The following SGSM2 variants were observed in gnomAD, a reference collection of about 807,000 sequenced individuals.
The protein encoded by SGSM2 is RUN and TBC1 domain containing 1.
SGSM2 carries 89 observed loss-of-function variants against 126.6 expected under a neutral mutation model. That is an observed-to-expected ratio of 0.70 (90% confidence interval 0.59 to 0.84). The LOEUF (loss-of-function observed/expected upper bound fraction) is 0.84. Among genes scored for constraint, SGSM2 ranks in the 40% least tolerant of loss-of-function variants. SGSM2 has a pLI of 0.00. For synonymous variants in SGSM2, 614 were observed against 574.3 expected (o/e 1.07, Z -0.99); for missense variants, 1,404 against 1,416.6 (o/e 0.99, Z 0.14).
chr17:2,380,203 G>A lies in SGSM2; in HGVS notation c.*683G>A. On this transcript the variant is annotated 3_prime_UTR_variant, in exon 24 of 24. Coordinates refer to ENST00000268989, the MANE Select transcript of SGSM2 (RefSeq NM_014853.3). ...CCCCAGGCCTCCCCGGCCTTGTACA[G>A]TGTACCTCTGTGTATCTGTACAGCC... The A allele has an allele frequency of 1.3e-6, 2 of 1,534,002 alleles. No homozygotes were observed. The highest frequency in any genetic ancestry group is 1.7e-4 in the Middle Eastern group (1 of 5,972).
At position 2,375,746 on chromosome 17, in the gene SGSM2, A is replaced by G; in HGVS notation, c.2355A>G (p.Glu785=). 1 of 1,606,778 alleles carries G rather than the reference A, an allele frequency of 6.2e-7. No individual in the cohort carries two copies. The highest frequency in any genetic ancestry group is 8.5e-7 in the Non-Finnish European group (1 of 1,175,286). ...GFEEEDGGGE[E]GSSGPGPAAH... ...AAGAGGAGGACGGCGGTGGGGAGGA[A>G]GGCTCCAGTGGGCCCGGCCCTGCAG... Residue 785 remains glutamate, a synonymous_variant, in exon 18 of 24, where the codon GAA becomes GAG. Transcript: ENST00000268989.
Position 2,348,198 on chromosome 17 carries a change from C to T in SGSM2, c.133+4578C>T, listed in dbSNP as rs574571599. Among the ~76,000 whole-genome samples, 11 of 152,258 alleles carry T rather than the reference C, an allele frequency of 7.2e-5. No individual in the cohort carries two copies. The South Asian group carries it at 1.0e-3, about 14-fold the overall frequency. On this transcript the variant is annotated intron_variant, in intron 2 of 23. Coordinates refer to ENST00000268989, the MANE Select transcript of SGSM2 (RefSeq NM_014853.3). ...GATGCTAATAAGCTGGGAGAGAAGC[C>T]GGTGCTAGGGAAGGCTTGCCTCTCC...
rs1197142202 is a variant in SGSM2 at position 2,337,921 on chromosome 17, C to T, written c.57+176C>T. On this transcript the variant is annotated intron_variant, in intron 1 of 23. Transcript: ENST00000268989. This position sits in a 1 kb window ranked among gnomAD's most constrained non-coding sequence, Gnocchi z 5.1. ...TTTCTCGGATGGGGGAGGGCAGCGC[C>T]CCTCTGCCCGGGGGACCCGGCCGGC... Among the ~76,000 whole-genome samples the T allele has an allele frequency of 6.6e-6, 1 of 151,962 alleles. No individual in the cohort carries two copies. Among genetic ancestry groups the T allele is most frequent in the Non-Finnish European group, 1.5e-5 (1 of 67,934 alleles).
At position 2,337,701 on chromosome 17, in the gene SGSM2, G is replaced by A; in HGVS notation, c.13G>A (p.Glu5Lys). ...CTCCTGCCACACCATGGGCAGCGCA[G>A]AGGACGCAGTCAAAGAGAAACTGCT... MGSAEDAVKEKLLWN... is the reference protein window; with the variant it reads MGSAKDAVKEKLLWN... Residue 5 changes from glutamate (E) to lysine (K), a missense_variant, in exon 1 of 24, where the codon GAG becomes AAG. Transcript: ENST00000268989. The surrounding 1 kb of genome is among the most constrained non-coding windows in gnomAD (Gnocchi z 5.1). The A allele has an allele frequency of 6.5e-7, 1 of 1,534,134 alleles. No homozygotes were observed. Among genetic ancestry groups the A allele is most frequent in the Non-Finnish European group, 8.8e-7 (1 of 1,137,430 alleles).
At chr17:2,359,938 A>C (rs1435533331) in intron 2 of SGSM2, among the ~76,000 whole-genome samples, 1 of 152,322 alleles carries the variant, frequency 6.6e-6, no homozygotes, top group African/African-American at 2.4e-5. Context: ...CCCAGGACCA[A>C]GAGACTGGGA....
In SGSM2 at chr17:2,372,341, A is replaced by AG. The variant is rs902394330; in HGVS notation, c.1644dup. ...CCTGCTGCCCACCGCTGCCCACCGC[A>AG]GGGCTGGCACACTGCCGCCACCTGT... On this transcript the variant is annotated splice_acceptor_variant, in intron 14 of 23. Transcript: ENST00000268989. LOFTEE classifies it high-confidence loss of function. This position sits in a 1 kb window ranked among gnomAD's most constrained non-coding sequence, Gnocchi z 6.0. 4 of 1,599,134 alleles carry AG rather than the reference A, an allele frequency of 2.5e-6. No homozygotes were observed. The highest frequency in any genetic ancestry group is 3.4e-6 in the Non-Finnish European group (4 of 1,173,114).
Position 2,362,188 on chromosome 17 carries a change from G to A in SGSM2, c.376G>A (p.Ala126Thr), listed in dbSNP as rs1332646009. 2 of 1,614,064 alleles carry A rather than the reference G, an allele frequency of 1.2e-6. No individual in the cohort carries two copies. Among genetic ancestry groups the A allele is most frequent in the Non-Finnish European group, 8.5e-7 (1 of 1,180,022 alleles). The stretch of plus-strand genomic sequence containing the variant: ...GAAGGCCCCGGCCCTCAGCCCTCAG[G>A]CCTTGAAACACGTATGGGTACGCAC... ...SGKAPALSPQ[A>T]LKHVWVRTAL... The change falls in exon 4 of 24, where the codon GCC becomes ACC. Residue 126 changes from alanine (A) to threonine (T), a missense_variant. Transcript: ENST00000268989. This position sits in a 1 kb window ranked among gnomAD's most constrained non-coding sequence, Gnocchi z 4.9.
chr17:2,339,858 T>C (rs1373457205), intron 1 of SGSM2, among the ~76,000 whole-genome samples: 1 of 152,122 alleles, frequency 6.6e-6, no homozygotes, highest in Non-Finnish European at 1.5e-5. Context: ...TGGGAGAAGC[T>C]TCATTATGTC....
intron 1 of SGSM2, among the ~76,000 whole-genome samples, chr17:2,338,363 A>G (rs2064183477): frequency 6.6e-6 from 1 of 151,820 alleles, no homozygotes; most frequent in African/African-American, 2.4e-5. Context: ...AAGCCCCCCT[A>G]CTTCAGAAAG....
chr17:2,370,466 T>C (rs2065815781), intron 12 of SGSM2, among the ~76,000 whole-genome samples: 1 of 152,282 alleles, frequency 6.6e-6, no homozygotes, highest in Non-Finnish European at 1.5e-5. Flanking sequence ...CAACTGGGCC[T>C]GTTCTTCTCT....
chr17:2,372,533 C>T lies in SGSM2; in HGVS notation c.1788+45C>T, dbSNP rs762162792. On this transcript the variant is annotated intron_variant, in intron 15 of 23. Coordinates refer to ENST00000268989, the MANE Select transcript of SGSM2 (RefSeq NM_014853.3). The surrounding 1 kb of genome is among the most constrained non-coding windows in gnomAD (Gnocchi z 6.0). The stretch of plus-strand genomic sequence containing the variant: ...AGGGCCACAGGTCGAGGGGCTGGGG[C>T]GGGCAGGAGTGAGGGCTTCAGGGTA... The T allele has an allele frequency of 7.6e-5, 120 of 1,584,100 alleles. No individual in the cohort carries two copies. Among genetic ancestry groups the T allele is most frequent in the South Asian group, 1.0e-4 (9 of 86,984 alleles).
In SGSM2 at chr17:2,365,223, G is replaced by C; in HGVS notation, c.1170G>C (p.Val390=). The change falls in exon 11 of 24, where the codon GTG becomes GTC. Residue 390 remains valine, a synonymous_variant. Coordinates refer to ENST00000268989, the MANE Select transcript of SGSM2 (RefSeq NM_014853.3). ...TACCCCTCCTTCCACAGGGGAAAGTGTTCCCCAAGCTACGGAAACGAAGCA... is the reference window on the plus strand; with the variant it reads ...TACCCCTCCTTCCACAGGGGAAAGTCTTCCCCAAGCTACGGAAACGAAGCA... ...PLWTQQGKGK[V]FPKLRKRSSI... The C allele has an allele frequency of 1.2e-6, 2 of 1,611,856 alleles. No individual in the cohort carries two copies. Among genetic ancestry groups the C allele is most frequent in the Non-Finnish European group, 1.7e-6 (2 of 1,178,634 alleles).
At chr17:2,338,223 A>G (rs905036325) in intron 1 of SGSM2, among the ~76,000 whole-genome samples, 44 of 152,142 alleles carry the variant, frequency 2.9e-4, no homozygotes, top group African/African-American at 1.0e-3. Flanking sequence ...GCCTCCAGCT[A>G]CGGAGTGATC....
At chr17:2,373,158 G>T (rs2065959276) in intron 16 of SGSM2, 77 bp downstream of exon 16, 1 of 1,580,570 alleles carries the variant, frequency 6.3e-7, no homozygotes, top group South Asian at 1.1e-5. Context: ...GACCTTGGAA[G>T]CCTCAGCCCC....
At chr17:2,368,266 C>G (rs1173992083) in intron 12 of SGSM2, among the ~76,000 whole-genome samples, 2 of 152,138 alleles carry the variant, frequency 1.3e-5, no homozygotes, top group African/African-American at 4.8e-5. Flanking sequence ...ACAGAGCTGG[C>G]TTGGTAGAGA....
Position 2,337,697 on chromosome 17 carries a change from C to A in SGSM2, c.9C>A (p.Ser3Arg), listed in dbSNP as rs936539894. The A allele has an allele frequency of 6.5e-7, 1 of 1,528,760 alleles. No homozygotes were observed. The highest frequency in any genetic ancestry group is 8.8e-7 in the Non-Finnish European group (1 of 1,134,424). The allele number at this position is 1,528,760 out of a possible 1,614,324, so 94.7% of individuals were successfully genotyped here. Residue 3 changes from serine to arginine, a missense_variant, in exon 1 of 24, where the codon AGC (serine) becomes AGA (arginine). Transcript: ENST00000268989. The surrounding 1 kb of genome is among the most constrained non-coding windows in gnomAD (Gnocchi z 5.1). ...CCGCCTCCTGCCACACCATGGGCAG[C>A]GCAGAGGACGCAGTCAAAGAGAAAC... MGSAEDAVKEKLL... is the reference protein window; with the variant it reads MGRAEDAVKEKLL...
At position 2,349,932 on chromosome 17, in the gene SGSM2, C is replaced by T. The variant is rs184329453; in HGVS notation, c.133+6312C>T. Among the ~76,000 whole-genome samples, 164 of 152,116 alleles carry T rather than the reference C, an allele frequency of 1.1e-3. 2 individuals are homozygous for T. The highest frequency in any genetic ancestry group is 3.8e-3 in the African/African-American group (159 of 41,490). On this transcript the variant is annotated intron_variant, in intron 2 of 23. Transcript: ENST00000268989. ...CCTCCCAAGTAGCTGGGACTACAGG[C>T]GCCCACCACCACGCTCGGCTAATTT...
intron 22 of SGSM2, 110 bp from the exon 23 acceptor site, chr17:2,378,908 ATCAGCCCCAGCCCCAGCC>A (rs1320352107): frequency 2.6e-5 from 30 of 1,155,722 alleles, no homozygotes; most frequent in Non-Finnish European, 3.6e-5. Context: ...TCCGGCCAGC[ATCAGCCCCAGCCCCAGCC>A]TCAGCCTCAG....
chr17:2,360,418 A>C (rs1323823550), intron 2 of SGSM2, among the ~76,000 whole-genome samples: 2 of 152,190 alleles, frequency 1.3e-5, no homozygotes, highest in Non-Finnish European at 2.9e-5. Context: ...GCAGCCTTGG[A>C]TCGTCTCTCC....
Sources: allele counts gnomAD v4.1 joint callset (sites outside exome capture counted in the v4.1 genomes callset), GRCh38; gene constraint gnomAD v4.1.1; non-coding constraint Gnocchi (gnomAD v3.1); transcripts MANE v1.5; gene names NCBI Gene and HGNC (gene_info 2026-07-23, HGNC 2026-07-21).